Variants in DLG2 observed in about 807,000 individuals in gnomAD.
The protein encoded by DLG2 is discs large MAGUK scaffold protein 2.
In DLG2, 45 loss-of-function variants were observed where a neutral mutation model predicts 132.5. The observed-to-expected ratio is 0.34, with a 90% confidence interval of 0.27 to 0.44. The LOEUF (loss-of-function observed/expected upper bound fraction) is 0.44. Ranked by LOEUF, DLG2 falls within the 20% of genes least tolerant of loss-of-function variation. DLG2 has a pLI of 1.00. For missense variants in DLG2, 1,045 were observed against 1,196.9 expected (o/e 0.87, Z 1.87); for synonymous variants, 424 against 419.6 (o/e 1.01, Z -0.13).
rs550037911 is a variant in DLG2, at chr11:84,395,566, C to T, written c.519+139004G>A. Reference sequence around the variant, plus strand: ...TTGAGTAGCTGGGACTACAGATGCACACCACCACACCTTTCTAATTTTTGT... The same window carrying T: ...TTGAGTAGCTGGGACTACAGATGCATACCACCACACCTTTCTAATTTTTGT... On this transcript the variant is annotated intron_variant, in intron 7 of 27. Transcript: ENST00000376104. Among the ~76,000 whole-genome samples, 4 of 152,228 alleles carry T rather than the reference C, an allele frequency of 2.6e-5. No homozygotes were observed. The South Asian group carries it at 6.2e-4, about 24-fold the overall frequency.
At position 84,970,148 on chromosome 11, in the gene DLG2, C is replaced by T. The variant is rs147202614; in HGVS notation, c.357+141513G>A. Among the ~76,000 whole-genome samples the T allele has an allele frequency of 5.7e-3, 867 of 152,074 alleles. 3 individuals carry two copies. The highest frequency in any genetic ancestry group is 9.1e-3 in the Non-Finnish European group (618 of 67,984). ...AACCTGCACGTTCTGCACATGTATCCCAGAACTTACAGTATAATTTAAAAA... is the reference window on the plus strand; with the variant it reads ...AACCTGCACGTTCTGCACATGTATCTCAGAACTTACAGTATAATTTAAAAA... On this transcript the variant is annotated intron_variant, in intron 6 of 27. Coordinates refer to ENST00000376104, the MANE Select transcript of DLG2 (RefSeq NM_001142699.3).
At chr11:83,722,151 A>G (rs2088755469) in intron 18 of DLG2, among the ~76,000 whole-genome samples, 1 of 152,140 alleles carries the variant, frequency 6.6e-6, no homozygotes, top group East Asian at 1.9e-4. Flanking sequence ...ATTTCCCTAT[A>G]TATCTAACAA....
chr11:85,351,780 G>T (rs2083308923), intron 3 of DLG2, among the ~76,000 whole-genome samples: 1 of 152,178 alleles, frequency 6.6e-6, no homozygotes, highest in Admixed American at 6.5e-5. Flanking sequence ...TGGTGGATAA[G>T]CTTTTTGAAG....
At chr11:84,090,259 C>A (rs1324539315) in intron 10 of DLG2, among the ~76,000 whole-genome samples, 1 of 151,616 alleles carries the variant, frequency 6.6e-6, no homozygotes, top group Non-Finnish European at 1.5e-5. Flanking sequence ...ACTAAAAATG[C>A]AAAAATTAGC....
At chr11:85,097,887 G>T (rs889595395) in intron 6 of DLG2, among the ~76,000 whole-genome samples, 1 of 152,158 alleles carries the variant, frequency 6.6e-6, no homozygotes, top group Admixed American at 6.6e-5. Context: ...TCCTTACTCT[G>T]CATGCAATAT....
chr11:85,009,419 A>G (rs570747630), intron 6 of DLG2, among the ~76,000 whole-genome samples: 69 of 152,122 alleles, frequency 4.5e-4, no homozygotes, highest in Non-Finnish European at 8.1e-4. Context: ...TTGTACAGAA[A>G]CAAGCCATAA....
chr11:84,830,711 T>G (rs1566081167), intron 6 of DLG2, among the ~76,000 whole-genome samples: 1 of 151,542 alleles, frequency 6.6e-6, no homozygotes, highest in Non-Finnish European at 1.5e-5. Flanking sequence ...TGAGAGGAAC[T>G]TGGTAATAAG....
intron 6 of DLG2, among the ~76,000 whole-genome samples, chr11:84,771,540 A>AT (rs1225146100): frequency 6.6e-6 from 1 of 152,164 alleles, no homozygotes; most frequent in African/African-American, 2.4e-5. Context: ...GTTTGCAAAT[A>AT]TTTTTTCCCA....
chr11:85,562,602 T>C (rs2077315631), intron 3 of DLG2, among the ~76,000 whole-genome samples: 2 of 151,826 alleles, frequency 1.3e-5, no homozygotes, highest in Admixed American at 6.6e-5. Flanking sequence ...GTTTTCACTA[T>C]ACCATGCTCA....
intron 6 of DLG2, among the ~76,000 whole-genome samples, chr11:84,548,518 A>G (rs572608147): frequency 1.4e-5 from 2 of 147,372 alleles, no homozygotes; most frequent in African/African-American, 5.0e-5. Flanking sequence ...ACCTATGAGT[A>G]AGAACATGCG....
At chr11:83,617,080 TTC>T (rs1256218098) in intron 19 of DLG2, among the ~76,000 whole-genome samples, 2 of 152,228 alleles carry the variant, frequency 1.3e-5, no homozygotes, top group African/African-American at 4.8e-5. Flanking sequence ...ATAATGTAAA[TTC>T]TCTGACTTCA....
At chr11:83,703,847 T>C (rs946215885) in intron 18 of DLG2, among the ~76,000 whole-genome samples, 3 of 152,166 alleles carry the variant, frequency 2.0e-5, no homozygotes, top group Non-Finnish European at 4.4e-5. Context: ...AGTTTAATAA[T>C]GGTAAATAGG....
At chr11:84,122,848 C>T (rs547702727) in intron 9 of DLG2, among the ~76,000 whole-genome samples, 5 of 152,054 alleles carry the variant, frequency 3.3e-5, no homozygotes, top group African/African-American at 4.8e-5. Context: ...GACACACACA[C>T]GCACCCCACA....
At chr11:83,622,629 A>AT (rs1163187743) in intron 19 of DLG2, among the ~76,000 whole-genome samples, 1 of 152,114 alleles carries the variant, frequency 6.6e-6, no homozygotes, top group Non-Finnish European at 1.5e-5. Context: ...TATTTCAAAT[A>AT]TTTTTTTATT....
chr11:85,032,313 A>G (rs74726298), intron 6 of DLG2, among the ~76,000 whole-genome samples: 2,329 of 152,252 alleles, frequency 0.015, 65 homozygotes, highest in African/African-American at 0.052. Flanking sequence ...TGTTTTATGA[A>G]GTTGAATATT....
chr11:85,410,326 TTAATA>T (rs1297862703), intron 3 of DLG2, among the ~76,000 whole-genome samples: 1 of 151,662 alleles, frequency 6.6e-6, no homozygotes, highest in Non-Finnish European at 1.5e-5. Context: ...AAACTGAATA[TTAATA>T]TATTTATTAG....
intron 7 of DLG2, among the ~76,000 whole-genome samples, chr11:84,378,548 A>G (rs973668396): frequency 1.8e-4 from 27 of 152,110 alleles, no homozygotes; most frequent in African/African-American, 6.5e-4. Context: ...ATGGGGGGAA[A>G]AATCTCGCCT....
chr11:83,826,744 C>T (rs893198414), intron 17 of DLG2, among the ~76,000 whole-genome samples: 1 of 152,150 alleles, frequency 6.6e-6, no homozygotes, highest in Non-Finnish European at 1.5e-5. Flanking sequence ...CTTACTGATA[C>T]TTTTTCCTGA....
chr11:84,256,631 T>G (rs2097476615), intron 7 of DLG2, among the ~76,000 whole-genome samples: 1 of 152,182 alleles, frequency 6.6e-6, no homozygotes, highest in Non-Finnish European at 1.5e-5. Flanking sequence ...ATATGAGCTG[T>G]TTTTGGATAC....
Sources: allele counts gnomAD v4.1 joint callset (sites outside exome capture counted in the v4.1 genomes callset), GRCh38; gene constraint gnomAD v4.1.1; transcripts MANE v1.5; gene names NCBI Gene and HGNC (gene_info 2026-07-23, HGNC 2026-07-21).